Variants in TBL1XR1 observed in about 807,000 individuals in gnomAD.
TBL1XR1 encodes the protein TBL1X/Y related 1.
Under a neutral mutation model 66.9 loss-of-function variants are expected in TBL1XR1, and 5 were observed. That is an observed-to-expected ratio of 0.07 (90% CI 0.04 to 0.16). The LOEUF is 0.16. TBL1XR1 is among the 10% of genes least tolerant of loss of function. TBL1XR1 has a pLI of 1.00. For missense variants in TBL1XR1, 238 were observed against 623.2 expected, an observed-to-expected ratio of 0.38 and a Z score of 6.58; for synonymous variants, 210 against 206.0, an observed-to-expected ratio of 1.02 and a Z score of -0.17.
intron 1 of TBL1XR1, chr3:177,195,756 C>T (rs1307602668): frequency 6.6e-6 from 1 of 152,002 alleles, no homozygotes; most frequent in Non-Finnish European, 1.5e-5. Flanking sequence ...TAAAAATAAC[C>T]TGGCATTTTC....
At chr3:177,028,854 G>A (rs1029453274) in intron 14 of TBL1XR1, among the ~76,000 whole-genome samples, 95 of 152,168 alleles carry the variant, frequency 6.2e-4, no homozygotes, top group African/African-American at 2.2e-3. Context: ...AGGCAAATAC[G>A]TAAATGGAAT....
chr3:177,165,554 ACCTCAAGACTT>A (rs1334778119), intron 1 of TBL1XR1, among the ~76,000 whole-genome samples: 1 of 152,156 alleles, frequency 6.6e-6, no homozygotes, highest in Non-Finnish European at 1.5e-5. Flanking sequence ...GCCCTACTTG[ACCTCAAGACTT>A]CCTAAAAAGC....
At chr3:177,068,466 C>G (rs1719449286) in intron 2 of TBL1XR1, among the ~76,000 whole-genome samples, 1 of 152,182 alleles carries the variant, frequency 6.6e-6, no homozygotes. Context: ...CATGAAATAT[C>G]ATTTTACTGC....
At chr3:177,166,782 T>C (rs1260635832) in intron 1 of TBL1XR1, among the ~76,000 whole-genome samples, 1 of 152,104 alleles carries the variant, frequency 6.6e-6, no homozygotes, top group Non-Finnish European at 1.5e-5. Context: ...GATTGCAAAT[T>C]TAAACAATAA....
intron 1 of TBL1XR1, among the ~76,000 whole-genome samples, chr3:177,108,900 T>C (rs1275358344): frequency 6.6e-6 from 1 of 152,150 alleles, no homozygotes; most frequent in Non-Finnish European, 1.5e-5. Flanking sequence ...GTGGCAATAC[T>C]AGCTAATGTT....
intron 1 of TBL1XR1, among the ~76,000 whole-genome samples, chr3:177,186,242 A>T (rs1735388542): frequency 6.6e-6 from 1 of 152,180 alleles, no homozygotes. Flanking sequence ...GAGGACAGAG[A>T]ACAGTAATTT....
intron 2 of TBL1XR1, among the ~76,000 whole-genome samples, chr3:177,094,302 G>A (rs1182708906): frequency 6.6e-6 from 1 of 152,118 alleles, no homozygotes; most frequent in Non-Finnish European, 1.5e-5. Flanking sequence ...AAGAATGGCT[G>A]TAATCAAAAA....
intron 1 of TBL1XR1, among the ~76,000 whole-genome samples, chr3:177,139,982 C>T (rs1560219581): frequency 6.6e-6 from 1 of 152,134 alleles, no homozygotes; most frequent in South Asian, 2.1e-4. Flanking sequence ...GACAATATAG[C>T]AGTGTCCACC....
chr3:177,068,499 A>G (rs1237156529), intron 2 of TBL1XR1, among the ~76,000 whole-genome samples: 1 of 152,262 alleles, frequency 6.6e-6, no homozygotes, highest in East Asian at 1.9e-4. Flanking sequence ...CCAATAATTC[A>G]GCAAATATTA....
intron 2 of TBL1XR1, among the ~76,000 whole-genome samples, chr3:177,088,185 T>C (rs1722390559): frequency 6.6e-6 from 1 of 152,206 alleles, no homozygotes; most frequent in African/African-American, 2.4e-5. Flanking sequence ...TCACAGTTAA[T>C]ATAAATTGAG....
intron 1 of TBL1XR1, among the ~76,000 whole-genome samples, chr3:177,130,832 A>G (rs1490825232): frequency 1.3e-5 from 2 of 152,176 alleles, no homozygotes; most frequent in South Asian, 4.1e-4. Context: ...AGAAAAGGCC[A>G]CCATATTTGG....
chr3:177,093,847 T>C (rs974824281), intron 2 of TBL1XR1, among the ~76,000 whole-genome samples: 1 of 152,184 alleles, frequency 6.6e-6, no homozygotes, highest in African/African-American at 2.4e-5. Flanking sequence ...GAGTTGAATC[T>C]AACACCTGAA....
At chr3:177,169,178 G>A (rs984637686) in intron 1 of TBL1XR1, among the ~76,000 whole-genome samples, 2 of 152,020 alleles carry the variant, frequency 1.3e-5, no homozygotes, top group Non-Finnish European at 2.9e-5. Flanking sequence ...TTATCACTTC[G>A]ATATGTTCCA....
chr3:177,141,443 A>G (rs1482617842), intron 1 of TBL1XR1, among the ~76,000 whole-genome samples: 1 of 152,132 alleles, frequency 6.6e-6, no homozygotes, highest in Non-Finnish European at 1.5e-5. Flanking sequence ...TAGGTTATCA[A>G]CAGAACAGTA....
chr3:177,026,181 G>A (rs1215115892), intron 15 of TBL1XR1, 192 bp downstream of exon 15: 3 of 564,824 alleles, frequency 5.3e-6, no homozygotes, highest in Non-Finnish European at 9.2e-6. Flanking sequence ...ATTTGGTAAG[G>A]ACAGCCTAAA....
intron 1 of TBL1XR1, among the ~76,000 whole-genome samples, chr3:177,133,271 GA>G (rs143210078): frequency 0.017 from 2,538 of 151,936 alleles, 75 homozygotes; most frequent in East Asian, 0.057. Flanking sequence ...TGGGCAACAA[GA>G]GCAAAACTCT....
chr3:177,035,575 G>A (rs934364970), intron 12 of TBL1XR1, among the ~76,000 whole-genome samples: 3 of 151,990 alleles, frequency 2.0e-5, no homozygotes, highest in African/African-American at 4.8e-5. Flanking sequence ...CGCCACGCTC[G>A]GCTAAATTTG....
At chr3:177,093,146 T>C (rs1723042057) in intron 2 of TBL1XR1, among the ~76,000 whole-genome samples, 1 of 152,106 alleles carries the variant, frequency 6.6e-6, no homozygotes, top group Non-Finnish European at 1.5e-5. Context: ...TTTACACAAA[T>C]CTAACTCTTC....
intron 2 of TBL1XR1, among the ~76,000 whole-genome samples, chr3:177,069,118 G>A (rs1719543733): frequency 6.6e-6 from 1 of 152,140 alleles, no homozygotes; most frequent in African/African-American, 2.4e-5. Flanking sequence ...TATAAAATGA[G>A]AAAATGGAAT....
Sources: allele counts gnomAD v4.1 joint callset (sites outside exome capture counted in the v4.1 genomes callset), GRCh38; gene constraint gnomAD v4.1.1; transcripts MANE v1.5; gene names NCBI Gene and HGNC (gene_info 2026-07-23, HGNC 2026-07-21).